Variants in NOX3 observed in about 807,000 individuals in gnomAD.
NOX3 encodes NADPH oxidase catalytic subunit-like 3.
In NOX3, 74 loss-of-function variants were observed where a neutral mutation model predicts 76.7. The ratio of observed to expected loss-of-function variants is 0.96; its 90% CI spans 0.80 to 1.17. The LOEUF is 1.17. Among genes scored for constraint, NOX3 ranks in the 50% most tolerant of loss-of-function variants. NOX3 has a pLI of 0.00. For synonymous variants in NOX3, 263 were observed against 261.1 expected (o/e 1.01, Z -0.07); for missense variants, 695 against 703.3 (o/e 0.99, Z 0.13).
intron 8 of NOX3, among the ~76,000 whole-genome samples, 199 bp downstream of exon 8, chr6:155,430,644 G>A (rs999687615): frequency 5.9e-5 from 9 of 151,876 alleles, no homozygotes; most frequent in Admixed American, 1.3e-4. Context: ...TCTGTGTGCC[G>A]TCTGGAGCCC....
intron 10 of NOX3, among the ~76,000 whole-genome samples, chr6:155,422,111 C>T (rs13207865): frequency 0.24 from 36,074 of 152,088 alleles, 4,432 homozygotes; most frequent in Non-Finnish European, 0.26. Context: ...TGCTCTAGTG[C>T]CTGCTGCTGG....
intron 12 of NOX3, among the ~76,000 whole-genome samples, chr6:155,400,536 G>C (rs1298915666): frequency 6.6e-6 from 1 of 152,054 alleles, no homozygotes; most frequent in Non-Finnish European, 1.5e-5. Context: ...ATCCTTTCTA[G>C]TGAGTGTTTT....
rs764029957 is a variant in NOX3 at position 155,426,984 on chromosome 6, C to CGTGTGTGTGTGTGT, written c.1145+1796_1145+1809dup. Reference sequence around the variant, plus strand: ...CCGAGAAAGCAGTTAGACACTGTGGCGTGTGTGTGTGTGTGTGTGTGTGTG... The same window carrying CGTGTGTGTGTGTGT: ...CCGAGAAAGCAGTTAGACACTGTGGCGTGTGTGTGTGTGTGTGTGTGTGTGTGTGTGTGTGTGTG... On this transcript the variant is annotated intron_variant, in intron 9 of 13. Coordinates refer to ENST00000159060, the MANE Select transcript of NOX3 (RefSeq NM_015718.3). Among the ~76,000 whole-genome samples, 216 of 41,908 alleles carry CGTGTGTGTGTGTGT rather than the reference C, an allele frequency of 5.2e-3. 12 individuals carry two copies. The highest frequency in any genetic ancestry group is 0.045 in the East Asian group (28 of 622). 27.5% of individuals were successfully genotyped at this position (41,908 alleles called of 152,430 possible). A position where few individuals can be genotyped will look rare whatever the true frequency, so the allele number is the denominator to read the frequency against.
intron 9 of NOX3, 101 bp from the exon 10 acceptor site, chr6:155,422,957 A>T: frequency 8.3e-7 from 1 of 1,208,506 alleles, no homozygotes; most frequent in South Asian, 1.4e-5. Context: ...CGTGTTTGCC[A>T]GTGCATGCAG....
intron 3 of NOX3, 102 bp downstream of exon 3, chr6:155,454,709 C>T (rs2114712878): frequency 1.4e-6 from 1 of 700,978 alleles, no homozygotes; most frequent in Non-Finnish European, 2.3e-6. Context: ...CAAGTTTAAA[C>T]AGAATTACTG....
intron 10 of NOX3, among the ~76,000 whole-genome samples, chr6:155,414,539 A>G (rs1776598213): frequency 6.6e-6 from 1 of 152,144 alleles, no homozygotes; most frequent in South Asian, 2.1e-4. Flanking sequence ...TCAGTAAAAT[A>G]ACAAAAGTTC....
intron 10 of NOX3, among the ~76,000 whole-genome samples, chr6:155,416,741 A>ATTTTTTTTTTT (rs1225392241): frequency 1.0e-5 from 1 of 100,130 alleles, no homozygotes; most frequent in African/African-American, 4.4e-5. Flanking sequence ...CATCTGAAAC[A>ATTTTTTTTTTT]TTCTTTTTTT....
In NOX3 at chr6:155,437,043, C is replaced by G. The variant is rs141324753; in HGVS notation, c.669-496G>C. ...ATGGTATTTTTCCTCCTAGTGACCA[C>G]CAGCAAGCCAGTGTTTGACTCAGTC... is the stretch of plus-strand genomic sequence containing the variant. On this transcript the variant is annotated intron_variant, in intron 6 of 13. Coordinates refer to ENST00000159060, the MANE Select transcript of NOX3 (RefSeq NM_015718.3). 1.4e-3 allele frequency among the ~76,000 whole-genome samples: 208 copies of G among 152,260 alleles called. 2 individuals are homozygous for G. Among genetic ancestry groups the G allele is most frequent in the African/African-American group, 4.6e-3 (191 of 41,550 alleles).
chr6:155,401,674 T>C (rs1345386691), intron 12 of NOX3, among the ~76,000 whole-genome samples: 1 of 152,002 alleles, frequency 6.6e-6, no homozygotes, highest in Non-Finnish European at 1.5e-5. Flanking sequence ...CCCCCAATCA[T>C]ATGGTAAGTT....
intron 10 of NOX3, among the ~76,000 whole-genome samples, chr6:155,414,468 T>C (rs1776597455): frequency 6.6e-6 from 1 of 152,090 alleles, no homozygotes; most frequent in South Asian, 2.1e-4. Context: ...TCATAGCTGA[T>C]CTCAGAGACC....
intron 4 of NOX3, among the ~76,000 whole-genome samples, chr6:155,445,810 A>T (rs9371891): frequency 2.0e-5 from 3 of 148,984 alleles, no homozygotes; most frequent in Admixed American, 1.3e-4. Context: ...ATGAAAGGGT[A>T]GGAAAATCAA....
chr6:155,449,702 C>A (rs1174843361), intron 4 of NOX3, among the ~76,000 whole-genome samples: 1 of 152,172 alleles, frequency 6.6e-6, no homozygotes, highest in Non-Finnish European at 1.5e-5. Flanking sequence ...CCAATTAAAG[C>A]CTGCAGTTCA....
chr6:155,449,943 T>C (rs1777113187), intron 4 of NOX3, among the ~76,000 whole-genome samples: 1 of 152,122 alleles, frequency 6.6e-6, no homozygotes, highest in African/African-American at 2.4e-5. Flanking sequence ...AGGCTTAGCA[T>C]TTTTTTTCCT....
chr6:155,420,292 C>T (rs1776672656), intron 10 of NOX3, among the ~76,000 whole-genome samples: 1 of 152,150 alleles, frequency 6.6e-6, no homozygotes, highest in African/African-American at 2.4e-5. Flanking sequence ...ACGCTATCCA[C>T]CACCATCTTC....
At chr6:155,424,837 T>A (rs2114691289) in intron 9 of NOX3, among the ~76,000 whole-genome samples, 1 of 152,348 alleles carries the variant, frequency 6.6e-6, no homozygotes, top group Middle Eastern at 3.4e-3. Context: ...TGTTCATTTT[T>A]AAAAAATAAT....
chr6:155,414,152 A>G (rs1776593104), intron 10 of NOX3, among the ~76,000 whole-genome samples: 1 of 152,188 alleles, frequency 6.6e-6, no homozygotes, highest in Non-Finnish European at 1.5e-5. Flanking sequence ...GGAAAAATGG[A>G]TAGGCTCAGT....
chr6:155,413,831 G>A (rs1423071030), intron 10 of NOX3, among the ~76,000 whole-genome samples: 2 of 152,076 alleles, frequency 1.3e-5, no homozygotes, highest in East Asian at 1.9e-4. Context: ...TAAGGAACAT[G>A]CTTAAAACAC....
intron 12 of NOX3, among the ~76,000 whole-genome samples, chr6:155,402,059 T>C (rs1779237736): frequency 6.6e-6 from 1 of 152,202 alleles, no homozygotes; most frequent in Non-Finnish European, 1.5e-5. Context: ...GACAACGGTA[T>C]TTTTATTTTC....
chr6:155,419,205 A>C (rs895856517), intron 10 of NOX3, among the ~76,000 whole-genome samples: 1 of 152,200 alleles, frequency 6.6e-6, no homozygotes, highest in African/African-American at 2.4e-5. Context: ...AAACCAACAC[A>C]AAGTTGCTTT....
Sources: allele counts gnomAD v4.1 joint callset (sites outside exome capture counted in the v4.1 genomes callset), GRCh38; gene constraint gnomAD v4.1.1; transcripts MANE v1.5; gene names NCBI Gene and HGNC (gene_info 2026-07-23, HGNC 2026-07-21).